The following STAB2 variants were observed in gnomAD, a reference collection of about 807,000 sequenced individuals.
The protein encoded by STAB2 is stabilin-2.
In STAB2, 288 loss-of-function variants were observed where a neutral mutation model predicts 338.1. That is an observed-to-expected ratio of 0.85 (90% CI 0.77 to 0.94). The LOEUF (loss-of-function observed/expected upper bound fraction) is 0.94, where lower values mean the gene tolerates loss of function less well. Among genes scored for constraint, STAB2 ranks in the 40% least tolerant of loss-of-function variants. The probability of loss-of-function intolerance (pLI) is 0.00; values close to 1 mark genes in which losing one functional copy is unlikely to be tolerated. For missense variants in STAB2, 3,141 were observed against 3,210.1 expected, an observed-to-expected ratio of 0.98 and a Z score of 0.52; for synonymous variants, 1,202 against 1,193.3, an observed-to-expected ratio of 1.01 and a Z score of -0.15.
At chr12:103,662,474 T>C in intron 17 of STAB2, among the ~76,000 whole-genome samples, 1 of 152,202 alleles carries the variant, frequency 6.6e-6, no homozygotes, top group Non-Finnish European at 1.5e-5. Context: ...AGGCAGAGCA[T>C]AAGTGAGGTC....
At chr12:103,592,564 G>C (rs781155216) in intron 2 of STAB2, among the ~76,000 whole-genome samples, 1 of 152,044 alleles carries the variant, frequency 6.6e-6, no homozygotes, top group Non-Finnish European at 1.5e-5. Flanking sequence ...AGATATTACT[G>C]ACATACAAAA....
rs533572691 is a variant in STAB2 at position 103,753,247 on chromosome 12, G to A, written c.6608G>A (p.Arg2203His). ...QDTTVGVFHLRSPLGQYKLTF... is the reference protein window; with the variant it reads ...QDTTVGVFHLHSPLGQYKLTF... ...ACCACTGTTGGGGTGTTCCATCTAC[G>A]CTCCCCACTGGGCCAGTATAAGCTG... The change falls in exon 61 of 69, where the codon CGC (arginine) becomes CAC (histidine). Residue 2203 changes from arginine (R) to histidine (H), a missense_variant. Transcript: ENST00000388887. The A allele has an allele frequency of 1.6e-5, 26 of 1,614,102 alleles. No individual in the cohort carries two copies. In the South Asian group the frequency reaches 2.0e-4, roughly 12 times the overall value.
intron 54 of STAB2, among the ~76,000 whole-genome samples, chr12:103,740,072 G>A (rs929847620): frequency 6.6e-6 from 1 of 152,152 alleles, no homozygotes; most frequent in African/African-American, 2.4e-5. Context: ...GTAAAATGGA[G>A]CTAATAATGG....
At chr12:103,709,361 C>T (rs988721315) in intron 39 of STAB2, among the ~76,000 whole-genome samples, 1 of 152,162 alleles carries the variant, frequency 6.6e-6, no homozygotes, top group Non-Finnish European at 1.5e-5. Flanking sequence ...GGCCGTGAAA[C>T]GCTAAGGAGG....
rs1192965452 is a variant in STAB2, at chr12:103,703,173, A to G, written c.3740A>G (p.Asn1247Ser). The change falls in exon 35 of 69, where the codon AAC (asparagine) becomes AGC (serine). Residue 1247 changes from asparagine (N) to serine (S), a missense_variant. Transcript: ENST00000388887. Reference sequence around the variant, plus strand: ...CTCTATGTAAATGAGGCTCCAATAAACTACACCAATGTAGCCACTGATAAG... The same window carrying G: ...CTCTATGTAAATGAGGCTCCAATAAGCTACACCAATGTAGCCACTGATAAG... ...DQLYVNEAPI[N>S]YTNVATDKGV... 6.2e-6 allele frequency: 10 copies of G among 1,613,824 alleles called. No homozygotes were observed. Among genetic ancestry groups the G allele is most frequent in the Non-Finnish European group, 8.5e-6 (10 of 1,180,038 alleles).
chr12:103,713,795 C>A, intron 42 of STAB2, 27 bp downstream of exon 42: 8 of 1,612,034 alleles, frequency 5.0e-6, no homozygotes, highest in Non-Finnish European at 1.7e-6. Context: ...CTTCCATCGG[C>A]GAAATGGTAT....
In STAB2 at chr12:103,740,682, G is replaced by C. The variant is rs188482978; in HGVS notation, c.5807G>C (p.Gly1936Ala). 1.6e-5 allele frequency: 25 copies of C among 1,611,640 alleles called. No homozygotes were observed. In the Admixed American group the frequency reaches 4.2e-4, roughly 27 times the overall value. The change falls in exon 55 of 69, where the codon GGC (glycine) becomes GCC (alanine). Residue 1936 changes from glycine (G) to alanine (A), a missense_variant. Gly to Ala is a moderately conservative substitution (Grantham distance 60). Coordinates refer to ENST00000388887, the MANE Select transcript of STAB2 (RefSeq NM_017564.10). ...YNLPFKRNLEGCRERCSLVIQ... is the reference protein window; with the variant it reads ...YNLPFKRNLEACRERCSLVIQ... ...CTGCCCTTCAAGAGGAACCTGGAAG[G>C]CTGCCGGGAGCGGTGCAGCCTGGTG...
chr12:103,690,706 T>C (rs1332337674), intron 30 of STAB2, among the ~76,000 whole-genome samples, 168 bp downstream of exon 30: 2 of 152,244 alleles, frequency 1.3e-5, no homozygotes, highest in Non-Finnish European at 2.9e-5. Flanking sequence ...CATATATCAA[T>C]ACATACACAT....
At chr12:103,630,500 T>C (rs1373670457) in intron 5 of STAB2, among the ~76,000 whole-genome samples, 1 of 152,080 alleles carries the variant, frequency 6.6e-6, no homozygotes, top group African/African-American at 2.4e-5. Flanking sequence ...CCTATGAATA[T>C]GTTAGGTTAT....
chr12:103,699,347 C>A, intron 34 of STAB2, 120 bp downstream of exon 34: 1 of 1,282,406 alleles, frequency 7.8e-7, no homozygotes. Flanking sequence ...TCAGTTTTCA[C>A]ACTGCTGATA....
intron 30 of STAB2, among the ~76,000 whole-genome samples, chr12:103,692,278 G>C (rs1339431160): frequency 2.0e-5 from 3 of 152,118 alleles, no homozygotes; most frequent in Admixed American, 6.6e-5. Context: ...AGTCAAATTG[G>C]ATTAGGGTCC....
rs920663573 is a variant in STAB2, at chr12:103,762,346, G to A, written c.7432G>A (p.Ala2478Thr). Reference protein sequence around the residue: ...IILVTGAVALAAYSYFRINRR... With the variant: ...IILVTGAVALTAYSYFRINRR... ...CCTGGTGACTGGGGCTGTTGCCTTGGCTGCTTACTCCTACTTTCGGATAAA... is the reference window on the plus strand; with the variant it reads ...CCTGGTGACTGGGGCTGTTGCCTTGACTGCTTACTCCTACTTTCGGATAAA... Residue 2478 changes from alanine (A) to threonine (T), a missense_variant, in exon 67 of 69, where the codon GCT (alanine) becomes ACT (threonine). Transcript: ENST00000388887. 3 of 1,614,086 alleles carry A rather than the reference G, an allele frequency of 1.9e-6. No homozygotes were observed. The African/African-American group carries it at 4.0e-5, about 22-fold the overall frequency.
intron 31 of STAB2, among the ~76,000 whole-genome samples, chr12:103,693,692 GA>G (rs1878152477): frequency 6.6e-6 from 1 of 151,880 alleles, no homozygotes; most frequent in Admixed American, 6.6e-5. Flanking sequence ...TATGACATAG[GA>G]AAAAAAGAAT....
Position 103,713,687 on chromosome 12 carries a change from G to A in STAB2, c.4456G>A (p.Ala1486Thr), listed in dbSNP as rs560843731. 5 of 1,614,054 alleles carry A rather than the reference G, an allele frequency of 3.1e-6. No homozygotes were observed. The Admixed American group carries it at 6.7e-5, about 22-fold the overall frequency. Residue 1486 changes from alanine to threonine, a missense_variant, in exon 42 of 69, where the codon GCT becomes ACT. Physicochemically the swap from Ala to Thr is moderately conservative, Grantham distance 58. Transcript: ENST00000388887. The part of the protein sequence containing the change: ...EISNGGCSAK[A>T]DCKRTTPGRR... Reference sequence around the variant, plus strand: ...CAGCAATGGAGGTTGCTCTGCCAAGGCTGACTGTAAGAGAACCACCCCAGG... The same window carrying A: ...CAGCAATGGAGGTTGCTCTGCCAAGACTGACTGTAAGAGAACCACCCCAGG...
intron 66 of STAB2, 121 bp from the exon 67 acceptor site, chr12:103,762,153 C>T (rs1884584096): frequency 2.9e-6 from 4 of 1,361,852 alleles, no homozygotes; most frequent in African/African-American, 1.5e-5. Context: ...GGGCCAGATA[C>T]ATGTTAACAT....
chr12:103,746,687 A>G lies in STAB2; in HGVS notation c.6227A>G (p.Asp2076Gly). Reference sequence around the variant, plus strand: ...GAGTGTAACCTGGATTATGAAGGTGACGGAATCACATGCACAGGTAAGCCA... The same window carrying G: ...GAGTGTAACCTGGATTATGAAGGTGGCGGAATCACATGCACAGGTAAGCCA... ...TCECNLDYEGDGITCTVVDFC... is the reference protein window; with the variant it reads ...TCECNLDYEGGGITCTVVDFC... Residue 2076 changes from aspartate (D) to glycine (G), a missense_variant, in exon 58 of 69, where the codon GAC becomes GGC. Transcript: ENST00000388887. 5 of 1,613,910 alleles carry G rather than the reference A, an allele frequency of 3.1e-6. No individual in the cohort carries two copies. The highest frequency in any genetic ancestry group is 3.4e-6 in the Non-Finnish European group (4 of 1,179,892).
At chr12:103,595,719 G>T (rs983608193) in intron 3 of STAB2, among the ~76,000 whole-genome samples, 2 of 152,122 alleles carry the variant, frequency 1.3e-5, no homozygotes, top group Non-Finnish European at 2.9e-5. Flanking sequence ...TTGCCTATGA[G>T]AAATCAGATT....
In STAB2 at chr12:103,755,718, G is replaced by A. The variant is rs1294018803; in HGVS notation, c.6987G>A (p.Thr2329=). ...TCCCCTCACTCACAAACTTCCTGAC[G>A]GTATGTACCATGTCTGCTTGGTTTG... is the stretch of plus-strand genomic sequence containing the variant. ...MSFPSLTNFL[T]EVLAYSNSSA... Residue 2329 remains threonine, a splice_region_variant and synonymous_variant, in exon 63 of 69, where the codon ACG becomes ACA. Transcript: ENST00000388887. 3.3e-5 allele frequency: 54 copies of A among 1,613,906 alleles called. No individual in the cohort carries two copies. Among genetic ancestry groups the A allele is most frequent in the Non-Finnish European group, 4.2e-5 (50 of 1,179,996 alleles).
chr12:103,719,559 TC>T (rs746593167), intron 44 of STAB2, among the ~76,000 whole-genome samples: 1 of 152,238 alleles, frequency 6.6e-6, no homozygotes. Flanking sequence ...CTCCAGGCAT[TC>T]CTGGCCTGCG....
Sources: allele counts gnomAD v4.1 joint callset (sites outside exome capture counted in the v4.1 genomes callset), GRCh38; gene constraint gnomAD v4.1.1; transcripts MANE v1.5; gene names NCBI Gene and HGNC (gene_info 2026-07-23, HGNC 2026-07-21).